The following GGTA1 variants were observed in gnomAD, a reference collection of about 807,000 sequenced individuals.
GGTA1 encodes glycoprotein alpha-galactosyltransferase 1 (inactive).
Under a neutral mutation model 2.6 loss-of-function variants are expected in GGTA1, and 5 were observed. The ratio of observed to expected loss-of-function variants is 1.92; its 90% confidence interval spans 1.00 to 4.04. GGTA1 has a LOEUF of 4.04. GGTA1 is among the 30% of genes most tolerant of loss of function. The pLI is 0.00. For missense variants in GGTA1, 50 were observed against 16.7 expected (o/e 2.99, Z -3.47); for synonymous variants, 17 against 5.0 (o/e 3.38, Z -3.19).
At chr9:121,474,963 C>T (rs1487256115) in intron 1 of GGTA1, among the ~76,000 whole-genome samples, 2 of 152,278 alleles carry the variant, frequency 1.3e-5, no homozygotes, top group Non-Finnish European at 2.9e-5. Flanking sequence ...GGCCCTGGCT[C>T]CCAGTAGGAG....
downstream of GGTA1, among the ~76,000 whole-genome samples, chr9:121,450,456 A>G (rs901809700): frequency 8.5e-5 from 13 of 152,200 alleles, no homozygotes; most frequent in Non-Finnish European, 1.3e-4. Flanking sequence ...ACACCTCCTA[A>G]AAGTCCAAAT....
At position 121,476,819 on chromosome 9, in the gene GGTA1, C is replaced by A. The variant is rs1828521061; in HGVS notation, c.-9-8888G>T. 1.3e-5 allele frequency among the ~76,000 whole-genome samples: 2 copies of A among 152,168 alleles called. No individual in the cohort carries two copies. Among genetic ancestry groups the A allele is most frequent in the South Asian group, 4.1e-4 (2 of 4,832 alleles). On this transcript the variant is annotated intron_variant, in intron 1 of 5. Coordinates refer to ENST00000481799, the MANE Select transcript of GGTA1 (RefSeq NM_001382585.1). This position sits in a 1 kb window ranked among gnomAD's most constrained non-coding sequence, Gnocchi z 4.6. ...TCCCATTAGGGTGAGCATGAGAAAG[C>A]CCCAAATGCTTCCCAGAGGTAGAGT...
At chr9:121,482,077 C>T (rs187043325) in intron 1 of GGTA1, among the ~76,000 whole-genome samples, 1 of 152,226 alleles carries the variant, frequency 6.6e-6, no homozygotes, top group East Asian at 1.9e-4. Context: ...CACTGTCTTT[C>T]CCCGCTAGGG....
intron 1 of GGTA1, among the ~76,000 whole-genome samples, chr9:121,475,316 A>T (rs1828485660): frequency 6.6e-6 from 1 of 152,180 alleles, no homozygotes; most frequent in Non-Finnish European, 1.5e-5. Flanking sequence ...GCCATGAATA[A>T]TCCACCCCTT....
At chr9:121,469,606 GA>G (rs1828337474) in intron 1 of GGTA1, among the ~76,000 whole-genome samples, 1 of 152,206 alleles carries the variant, frequency 6.6e-6, no homozygotes, top group African/African-American at 2.4e-5. Flanking sequence ...TGGCCAAAAC[GA>G]AGGGGTGGCT....
At chr9:121,465,913 C>A (rs2077776) in intron 2 of GGTA1, among the ~76,000 whole-genome samples, 47,362 of 151,774 alleles carry the variant, frequency 0.31, 7,644 homozygotes, top group Middle Eastern at 0.4. Flanking sequence ...CTATTATAAT[C>A]CCTCCCCCAA....
downstream of GGTA1, among the ~76,000 whole-genome samples, chr9:121,452,528 A>ATT (rs1027236891): frequency 4.7e-5 from 7 of 148,350 alleles, no homozygotes; most frequent in African/African-American, 1.7e-4. Context: ...TTTATTTTTT[A>ATT]TTTTTTTTTA....
intron 1 of GGTA1, among the ~76,000 whole-genome samples, chr9:121,469,566 C>A (rs113426364): frequency 0.015 from 2,247 of 152,166 alleles, 33 homozygotes; most frequent in Non-Finnish European, 0.024. Context: ...CTGACAGCAG[C>A]GTGGAGAATG....
At chr9:121,462,967 T>C (rs2064972771) in intron 3 of GGTA1, 1 of 156,388 alleles carries the variant, frequency 6.4e-6, no homozygotes, top group South Asian at 1.8e-4. Context: ...ATTTCTTATA[T>C]GGGTCTTTAT....
intron 1 of GGTA1, among the ~76,000 whole-genome samples, chr9:121,480,632 T>C (rs184362662): frequency 2.2e-4 from 33 of 152,250 alleles, no homozygotes; most frequent in African/African-American, 7.9e-4. Flanking sequence ...ATCCAGCCTC[T>C]TCCTCCCGTT....
intron 1 of GGTA1, among the ~76,000 whole-genome samples, chr9:121,495,401 G>C (rs1251058038): frequency 6.6e-6 from 1 of 152,088 alleles, no homozygotes; most frequent in African/African-American, 2.4e-5. Context: ...CAAAAAACTA[G>C]CTGGGCGTGG....
At chr9:121,447,284 C>T (rs1206090985) in exon 8 of GGTA1, 3 of 152,792 alleles carry the variant, frequency 2.0e-5, no homozygotes, top group East Asian at 3.9e-4. Context: ...AGCTGAGCCA[C>T]TGACTGGCCT....
At chr9:121,484,369 T>C (rs1175389694) in intron 1 of GGTA1, among the ~76,000 whole-genome samples, 1 of 151,334 alleles carries the variant, frequency 6.6e-6, no homozygotes, top group African/African-American at 2.4e-5. Context: ...GCATTTTTCT[T>C]TTTTTTTTGA....
At chr9:121,450,461 C>T (rs933315112), downstream of GGTA1, among the ~76,000 whole-genome samples, 3 of 152,198 alleles carry the variant, frequency 2.0e-5, no homozygotes, top group Non-Finnish European at 4.4e-5. Flanking sequence ...TCCTAAAAGT[C>T]CAAATCCACT....
intron 1 of GGTA1, among the ~76,000 whole-genome samples, chr9:121,479,499 C>T (rs530082590): frequency 1.9e-4 from 29 of 152,254 alleles, no homozygotes; most frequent in Middle Eastern, 3.4e-3. Flanking sequence ...GATCCATGAG[C>T]GGCCCAGCCT....
intron 1 of GGTA1, among the ~76,000 whole-genome samples, chr9:121,485,595 G>A (rs532938486): frequency 6.6e-6 from 1 of 152,174 alleles, no homozygotes; most frequent in Non-Finnish European, 1.5e-5. Flanking sequence ...TGAAGACAAG[G>A]TTCCCCAAAC....
At position 121,455,655 on chromosome 9, in the gene GGTA1, C is replaced by G. The variant is rs1414456653; in HGVS notation, c.*182G>C. 2 of 275,152 alleles carry G rather than the reference C, an allele frequency of 7.3e-6. No homozygotes were observed. The highest frequency in any genetic ancestry group is 1.7e-4 in the East Asian group (2 of 11,962). 17.0% of individuals were successfully genotyped at this position (275,152 alleles called of 1,614,324 possible). A position where few individuals can be genotyped will look rare whatever the true frequency, so the allele number is the denominator to read the frequency against. ...CATTTCCCAGTTCCCTGCTCTATAC[C>G]AGGTCATCCTGCTAAGCGCTGAGAT... On this transcript the variant is annotated 3_prime_UTR_variant, in exon 6 of 6. Coordinates refer to ENST00000481799, the MANE Select transcript of GGTA1 (RefSeq NM_001382585.1).
At chr9:121,453,500 G>A (rs935376373), downstream of GGTA1, among the ~76,000 whole-genome samples, 27 of 152,252 alleles carry the variant, frequency 1.8e-4, no homozygotes, top group African/African-American at 6.5e-4. Context: ...TATTGGCTCA[G>A]GAGGTGGCTG....
intron 3 of GGTA1, among the ~76,000 whole-genome samples, chr9:121,461,532 C>A (rs2064960936): frequency 6.6e-6 from 1 of 152,098 alleles, no homozygotes; most frequent in Non-Finnish European, 1.5e-5. Flanking sequence ...AGCCCCCAGC[C>A]CTCAGCTCAT....
Sources: allele counts gnomAD v4.1 joint callset (sites outside exome capture counted in the v4.1 genomes callset), GRCh38; gene constraint gnomAD v4.1.1; non-coding constraint Gnocchi (gnomAD v3.1); transcripts MANE v1.5; gene names NCBI Gene and HGNC (gene_info 2026-07-23, HGNC 2026-07-21).